The following MTFMT variants were observed in gnomAD, a reference collection of about 807,000 sequenced individuals.
MTFMT encodes the protein methionyl-tRNA formyltransferase, mitochondrial.
MTFMT carries 47 observed loss-of-function variants against 51.8 expected under a neutral mutation model. The ratio of observed to expected loss-of-function variants is 0.91; its 90% CI spans 0.72 to 1.16. MTFMT has a LOEUF of 1.16. Ranked by LOEUF, MTFMT falls within the 50% of genes most tolerant of loss-of-function variation. The pLI is 0.00. For synonymous variants in MTFMT, 196 were observed against 176.7 expected (o/e 1.11, Z -0.87); for missense variants, 512 against 482.3 (o/e 1.06, Z -0.58).
chr15:65,022,956 T>A (rs1004833344), intron 3 of MTFMT, among the ~76,000 whole-genome samples: 8 of 152,088 alleles, frequency 5.3e-5, no homozygotes, highest in African/African-American at 1.9e-4. Context: ...TCCCAAAGTT[T>A]AGGATTACAG....
intron 6 of MTFMT, among the ~76,000 whole-genome samples, chr15:65,010,933 A>T (rs189459710): frequency 1.4e-4 from 22 of 152,226 alleles, no homozygotes; most frequent in Admixed American, 2.0e-4. Context: ...GTGGTATCTC[A>T]TTGTGGTTCT....
Position 65,024,219 on chromosome 15 carries a change from G to T in MTFMT, c.420-425C>A, listed in dbSNP as rs376729051. On this transcript the variant is annotated intron_variant, in intron 2 of 8. Transcript: ENST00000220058. Reference sequence around the variant, plus strand: ...CGCATGCCTGTAATCCCAGCTACTCGGAAGGCTGAGACAGGAGAATCGCTT... The same window carrying T: ...CGCATGCCTGTAATCCCAGCTACTCTGAAGGCTGAGACAGGAGAATCGCTT... Among the ~76,000 whole-genome samples the T allele has an allele frequency of 5.3e-5, 8 of 152,144 alleles. No homozygotes were observed. In the South Asian group the frequency reaches 1.5e-3, roughly 28 times the overall value.
intron 2 of MTFMT, among the ~76,000 whole-genome samples, chr15:65,024,790 G>A (rs373011897): frequency 6.6e-6 from 1 of 152,148 alleles, no homozygotes; most frequent in Admixed American, 6.5e-5. Flanking sequence ...ATGATGCTGA[G>A]GGCTATGGAG....
chr15:65,020,407 C>A (rs1033253191), intron 4 of MTFMT, 135 bp from the exon 5 acceptor site: 28 of 747,302 alleles, frequency 3.7e-5, no homozygotes, highest in Admixed American at 2.3e-4. Context: ...AAAAAAAAAT[C>A]TTTACTATTG....
At position 65,002,506 on chromosome 15, in the gene MTFMT, T is replaced by G. The variant is rs1251667113; in HGVS notation, c.*556A>C. ...TGTTCTTAAGGAAAGATAATCTCCT[T>G]GAGTTTCGTATCATAAATACAAGTT... On this transcript the variant is annotated 3_prime_UTR_variant, in exon 9 of 9. Transcript: ENST00000220058. The G allele has an allele frequency of 6.6e-6, 1 of 152,166 alleles. No individual in the cohort carries two copies. The highest frequency in any genetic ancestry group is 2.4e-5 in the African/African-American group (1 of 41,440). The allele number at this position is 152,166 out of a possible 1,614,324, so 9.4% of individuals were successfully genotyped here.
Position 65,026,973 on chromosome 15 carries a change from C to T in MTFMT, c.277G>A (p.Gly93Arg). 1.2e-6 allele frequency: 2 copies of T among 1,613,996 alleles called. No homozygotes were observed. Among genetic ancestry groups the T allele is most frequent in the South Asian group, 1.1e-5 (1 of 91,084 alleles). ...ACAGCATATTGCTTCACTGGCAGTC[C>T]TTTTGGTGATGGGGAAGGCATTGTG... Reference protein sequence around the residue: ...VVTMPSPSPKGLPVKQYAVQS... With the variant: ...VVTMPSPSPKRLPVKQYAVQS... Residue 93 changes from glycine to arginine, a missense_variant, in exon 2 of 9, where the codon GGA becomes AGA. Coordinates refer to ENST00000220058, the MANE Select transcript of MTFMT (RefSeq NM_139242.4).
intron 2 of MTFMT, 141 bp downstream of exon 2, chr15:65,026,690 T>C: frequency 1.4e-6 from 1 of 729,462 alleles, no homozygotes; most frequent in Non-Finnish European, 2.2e-6. Flanking sequence ...TAAGCAAACA[T>C]GTACAGAAAA....
At chr15:65,029,373 C>A (rs1446945969) in intron 1 of MTFMT, 32 bp downstream of exon 1, 19 of 1,425,274 alleles carry the variant, frequency 1.3e-5, no homozygotes, top group Non-Finnish European at 1.6e-5. Flanking sequence ...AGGCCTTCAG[C>A]GGCCGGGTCC....
At chr15:65,010,456 A>T (rs145382456) in intron 6 of MTFMT, among the ~76,000 whole-genome samples, 3,349 of 152,340 alleles carry the variant, frequency 0.022, 47 homozygotes, top group Non-Finnish European at 0.033. Flanking sequence ...AAATGGAATA[A>T]TAACATATGT....
chr15:65,007,542 T>A (rs1251205356), intron 6 of MTFMT, among the ~76,000 whole-genome samples: 1 of 152,250 alleles, frequency 6.6e-6, no homozygotes, highest in Non-Finnish European at 1.5e-5. Context: ...GATATATCTT[T>A]GAGGGCTTAC....
intron 7 of MTFMT, among the ~76,000 whole-genome samples, chr15:65,005,715 T>G (rs941458942): frequency 1.3e-5 from 2 of 151,254 alleles, no homozygotes; most frequent in Non-Finnish European, 2.9e-5. Flanking sequence ...TTCAAGTGAC[T>G]CTCCTGCCTC....
chr15:65,020,412 C>T (rs1192405681), intron 4 of MTFMT, 140 bp from the exon 5 acceptor site: 2 of 720,780 alleles, frequency 2.8e-6, no homozygotes, highest in Non-Finnish European at 4.5e-6. Flanking sequence ...AAAATCTTTA[C>T]TATTGGCTCT....
chr15:65,012,063 A>G (rs1159766392), intron 6 of MTFMT, among the ~76,000 whole-genome samples: 1 of 140,074 alleles, frequency 7.1e-6, no homozygotes. Flanking sequence ...GTGGACATCC[A>G]GTTATCCCAG....
intron 6 of MTFMT, among the ~76,000 whole-genome samples, chr15:65,011,398 G>C (rs188998911): frequency 6.6e-6 from 1 of 151,178 alleles, no homozygotes; most frequent in East Asian, 2.0e-4. Context: ...TTTTACTGCT[G>C]AGTCATTGTA....
Position 65,003,230 on chromosome 15 carries a change from C to G in MTFMT, c.1002G>C (p.Val334=). Residue 334 remains valine, a synonymous_variant, in exon 9 of 9, where the codon GTG becomes GTC. Coordinates refer to ENST00000220058, the MANE Select transcript of MTFMT (RefSeq NM_139242.4). Reference sequence around the variant, plus strand: ...TAGCTGTTAGTGATTTCTTGAGCATCACTGATCGAACACCAATCCAACCAT... The same window carrying G: ...TAGCTGTTAGTGATTTCTTGAGCATGACTGATCGAACACCAATCCAACCAT... ...CKDGWIGVRS[V]MLKKSLTATD... 6.2e-7 allele frequency: 1 copy of G among 1,613,286 alleles called. No individual in the cohort carries two copies. The highest frequency in any genetic ancestry group is 8.5e-7 in the Non-Finnish European group (1 of 1,179,528).
At chr15:65,016,259 A>T (rs2086321395) in intron 6 of MTFMT, 177 bp downstream of exon 6, 2 of 488,482 alleles carry the variant, frequency 4.1e-6, no homozygotes, top group South Asian at 5.7e-5. Flanking sequence ...AAACACTTTA[A>T]ACAGCTTAAA....
At chr15:65,019,785 G>C (rs28681646) in intron 5 of MTFMT, among the ~76,000 whole-genome samples, 7,082 of 152,196 alleles carry the variant, frequency 0.047, 553 homozygotes, top group African/African-American at 0.16. Flanking sequence ...TCAGGAAATT[G>C]TTCATTTTTC....
intron 8 of MTFMT, among the ~76,000 whole-genome samples, chr15:65,004,174 G>A (rs967944054): frequency 1.3e-5 from 2 of 151,760 alleles, no homozygotes; most frequent in South Asian, 2.1e-4. Context: ...CTGCCACCAC[G>A]CTCGACTAAT....
At chr15:65,006,793 A>T (rs2086223427) in intron 6 of MTFMT, among the ~76,000 whole-genome samples, 1 of 152,226 alleles carries the variant, frequency 6.6e-6, no homozygotes, top group African/African-American at 2.4e-5. Context: ...ATGTTAAAAA[A>T]TTTTAGAAAG....
Sources: allele counts gnomAD v4.1 joint callset (sites outside exome capture counted in the v4.1 genomes callset), GRCh38; gene constraint gnomAD v4.1.1; transcripts MANE v1.5; gene names NCBI Gene and HGNC (gene_info 2026-07-23, HGNC 2026-07-21).